Variants in SLC6A15 observed in about 807,000 individuals in gnomAD.
SLC6A15 encodes solute carrier family 6 member 15, also known as sodium-dependent neutral amino acid transporter B(0)AT2.
In SLC6A15, 33 loss-of-function variants were observed where a neutral mutation model predicts 68.5. That is an observed-to-expected ratio of 0.48 (90% CI 0.37 to 0.64). The LOEUF is 0.64. Among genes scored for constraint, SLC6A15 ranks in the 30% least tolerant of loss-of-function variants. The pLI, the probability that SLC6A15 is intolerant of heterozygous loss-of-function variation, is 0.00. For missense variants in SLC6A15, 747 were observed against 874.3 expected (o/e 0.85, Z 1.84); for synonymous variants, 347 against 301.0 (o/e 1.15, Z -1.58).
intron 2 of SLC6A15, among the ~76,000 whole-genome samples, chr12:84,888,297 A>C (rs971048284): frequency 3.3e-5 from 5 of 151,828 alleles, no homozygotes; most frequent in Admixed American, 2.0e-4. Flanking sequence ...AAAACAAAAA[A>C]AAGACACTTA....
chr12:84,861,935 T>C lies in SLC6A15; in HGVS notation c.1890A>G (p.Ile630Met). 1 of 1,613,628 alleles carries C rather than the reference T, an allele frequency of 6.2e-7. No homozygotes were observed. The highest frequency in any genetic ancestry group is 8.5e-7 in the Non-Finnish European group (1 of 1,179,824). Residue 630 changes from isoleucine to methionine, a missense_variant, in exon 12 of 12, where the codon ATA becomes ATG. By Grantham distance (10) the Ile-to-Met change is conservative. Coordinates refer to ENST00000266682, the MANE Select transcript of SLC6A15 (RefSeq NM_182767.6). Reference protein sequence around the residue: ...VVCVSLVVFAILPVPVVFIVR... With the variant: ...VVCVSLVVFAMLPVPVVFIVR... ...CAATGAAAACTACAGGGACTGGGAGTATTGCAAAGACAACCAGAGAGACAC... is the reference window on the plus strand; with the variant it reads ...CAATGAAAACTACAGGGACTGGGAGCATTGCAAAGACAACCAGAGAGACAC...
chr12:84,890,251 G>T (rs77602762), intron 2 of SLC6A15, among the ~76,000 whole-genome samples: 1 of 152,124 alleles, frequency 6.6e-6, no homozygotes, highest in African/African-American at 2.4e-5. Context: ...ATAAGAAGGA[G>T]GAGCCATTTG....
Position 84,891,849 on chromosome 12 carries a change from C to T in SLC6A15, c.272G>A (p.Cys91Tyr), listed in dbSNP as rs1191170777. ...LGNVWRFPYLCQKNGGGAYLL... is the reference protein window; with the variant it reads ...LGNVWRFPYLYQKNGGGAYLL... ...TTACTTACCGCCCCCATTCTTCTGA[C>T]ATAGGTATGGAAATCGCCACACATT... Residue 91 changes from cysteine (C) to tyrosine (Y), a missense_variant, in exon 2 of 12, where the codon TGT becomes TAT. Coordinates refer to ENST00000266682, the MANE Select transcript of SLC6A15 (RefSeq NM_182767.6). 1 of 1,613,174 alleles carries T rather than the reference C, an allele frequency of 6.2e-7. No homozygotes were observed. The highest frequency in any genetic ancestry group is 8.5e-7 in the Non-Finnish European group (1 of 1,179,432).
At chr12:84,876,669 T>G (rs1871562146) in intron 5 of SLC6A15, 62 bp from the exon 6 acceptor site, 2 of 741,464 alleles carry the variant, frequency 2.7e-6, no homozygotes, top group Non-Finnish European at 4.4e-6. Flanking sequence ...TAGATAAGAT[T>G]TTATATGTTA....
chr12:84,907,134 G>A (rs1027705009), intron 1 of SLC6A15, among the ~76,000 whole-genome samples: 2 of 152,080 alleles, frequency 1.3e-5, no homozygotes, highest in African/African-American at 2.4e-5. Flanking sequence ...TGGATCATGA[G>A]GTCAGGAGAT....
rs1592588719 is a variant in SLC6A15, at chr12:84,861,444, C to T, written c.*188G>A. 3 of 596,860 alleles carry T rather than the reference C, an allele frequency of 5.0e-6. No individual in the cohort carries two copies. The East Asian group carries it at 8.6e-5, about 17-fold the overall frequency. 37.0% of individuals were successfully genotyped at this position (596,860 alleles called of 1,614,324 possible). On this transcript the variant is annotated 3_prime_UTR_variant, in exon 12 of 12. Transcript: ENST00000266682. ...TAAGATTTGTCTGCAATCCTTTCTG[C>T]ACAAATGTAAACCAAAGAATCCAAA...
chr12:84,885,881 T>C, intron 3 of SLC6A15, 30 bp downstream of exon 3: 2 of 1,575,832 alleles, frequency 1.3e-6, no homozygotes, highest in Non-Finnish European at 1.7e-6. Context: ...CTATAAAGAT[T>C]ACAGCATACA....
At chr12:84,904,402 T>A (rs894138187) in intron 1 of SLC6A15, among the ~76,000 whole-genome samples, 4 of 152,134 alleles carry the variant, frequency 2.6e-5, no homozygotes, top group Admixed American at 6.6e-5. Flanking sequence ...AAGAATGATT[T>A]TAAAAAGTCA....
intron 1 of SLC6A15, among the ~76,000 whole-genome samples, chr12:84,899,417 T>TA (rs1321031944): frequency 1.6e-4 from 24 of 152,324 alleles, no homozygotes; most frequent in African/African-American, 5.3e-4. Context: ...CACAAAGTGA[T>TA]AAAAAAGTAG....
chr12:84,863,622 T>G (rs1198626589), intron 10 of SLC6A15, 21 bp from the exon 11 acceptor site: 16 of 1,475,294 alleles, frequency 1.1e-5, no homozygotes, highest in Non-Finnish European at 1.4e-5. Flanking sequence ...AGAAAGTATT[T>G]AATTATTCCT....
chr12:84,905,029 T>C (rs1873071805), intron 1 of SLC6A15, among the ~76,000 whole-genome samples: 3 of 152,118 alleles, frequency 2.0e-5, no homozygotes, highest in Non-Finnish European at 4.4e-5. Context: ...CTTCAGGCAA[T>C]AGAAGATGAT....
chr12:84,881,993 G>A (rs1008938206), intron 5 of SLC6A15: 3 of 979,312 alleles, frequency 3.1e-6, no homozygotes, highest in Non-Finnish European at 3.6e-6. Context: ...AATAATAAAT[G>A]TATGTACTAA....
In SLC6A15 at chr12:84,861,772, T is replaced by A; in HGVS notation, c.2053A>T (p.Met685Leu). Reference sequence around the variant, plus strand: ...TTTTTACCAAAATTTGGAGATGGCATCTCGCTCGGTATTTTTCCGTGAATG... The same window carrying A: ...TTTTTACCAAAATTTGGAGATGGCAACTCGCTCGGTATTTTTCCGTGAATG... ...SLIHGKIPSE[M>L]PSPNFGKNIY... Residue 685 changes from methionine (M) to leucine (L), a missense_variant, in exon 12 of 12, where the codon ATG becomes TTG. Coordinates refer to ENST00000266682, the MANE Select transcript of SLC6A15 (RefSeq NM_182767.6). 6.2e-7 allele frequency: 1 copy of A among 1,614,018 alleles called. No homozygotes were observed. The highest frequency in any genetic ancestry group is 1.1e-5 in the South Asian group (1 of 91,072).
intron 1 of SLC6A15, among the ~76,000 whole-genome samples, chr12:84,893,956 CCA>C (rs1872532177): frequency 6.6e-6 from 1 of 151,970 alleles, no homozygotes; most frequent in Admixed American, 6.6e-5. Flanking sequence ...GTAAAACTTC[CCA>C]CAGTGATTAT....
chr12:84,871,871 G>A (rs919790724), intron 8 of SLC6A15, among the ~76,000 whole-genome samples: 6 of 152,056 alleles, frequency 3.9e-5, no homozygotes, highest in African/African-American at 4.8e-5. Context: ...GAACTTCATC[G>A]GTTGGGCACG....
chr12:84,873,257 T>C lies in SLC6A15; in HGVS notation c.939A>G (p.Gly313=). Residue 313 remains glycine, a synonymous_variant, in exon 7 of 12, where the codon GGA becomes GGG. Transcript: ENST00000266682. Reference sequence around the variant, plus strand: ...TTGAAAAGGCAATGACACCACCAAATCCCAGACCTAAGGCAAAGAACACTT... The same window carrying C: ...TTGAAAAGGCAATGACACCACCAAACCCCAGACCTAAGGCAAAGAACACTT... The part of the protein sequence containing the change: ...ATQVFFALGL[G]FGGVIAFSSY... The C allele has an allele frequency of 1.2e-6, 2 of 1,613,966 alleles. No homozygotes were observed. Among genetic ancestry groups the C allele is most frequent in the South Asian group, 2.2e-5 (2 of 91,076 alleles).
chr12:84,861,749 T>C lies in SLC6A15; in HGVS notation c.2076A>G (p.Lys692=). Residue 692 remains lysine, a synonymous_variant, in exon 12 of 12, where the codon AAA becomes AAG. Coordinates refer to ENST00000266682, the MANE Select transcript of SLC6A15 (RefSeq NM_182767.6). ...ATCCACTCTGTTTTCGATAAATATT[T>C]TTACCAAAATTTGGAGATGGCATCT... The part of the protein sequence containing the change: ...PSEMPSPNFG[K]NIYRKQSGSP... 1 of 1,613,970 alleles carries C rather than the reference T, an allele frequency of 6.2e-7. No homozygotes were observed. Among genetic ancestry groups the C allele is most frequent in the Non-Finnish European group, 8.5e-7 (1 of 1,179,916 alleles).
intron 1 of SLC6A15, among the ~76,000 whole-genome samples, chr12:84,905,914 C>T (rs1873125912): frequency 6.6e-6 from 1 of 152,120 alleles, no homozygotes; most frequent in Non-Finnish European, 1.5e-5. Context: ...TGCTCCAGTC[C>T]CCAGGCTCTC....
chr12:84,883,822 T>C, intron 5 of SLC6A15, 37 bp downstream of exon 5: 3 of 1,613,936 alleles, frequency 1.9e-6, no homozygotes, highest in Non-Finnish European at 2.5e-6. Flanking sequence ...CCAGAAATGG[T>C]GATTAGCAGA....
Sources: gnomAD v4.1 joint callset for allele counts (sites outside exome capture counted in the v4.1 genomes callset) on GRCh38, gnomAD v4.1.1 for gene constraint, MANE v1.5 for transcripts, NCBI Gene and HGNC (gene_info 2026-07-23, HGNC 2026-07-21) for gene names.